The following OSBPL10 variants were observed in gnomAD, a reference collection of about 807,000 sequenced individuals.
The protein encoded by OSBPL10 is oxysterol-binding protein-related protein 10.
In OSBPL10, 49 loss-of-function variants were observed where a neutral mutation model predicts 81.7. The ratio of observed to expected loss-of-function variants is 0.60; its 90% CI spans 0.48 to 0.76. The LOEUF (loss-of-function observed/expected upper bound fraction) is 0.76. Among genes scored for constraint, OSBPL10 ranks in the 30% least tolerant of loss-of-function variants. OSBPL10 has a pLI of 0.00. For synonymous variants in OSBPL10, 419 were observed against 383.6 expected (o/e 1.09, Z -1.08); for missense variants, 923 against 987.8 (o/e 0.93, Z 0.88).
chr3:31,929,496 C>T (rs549856514), intron 1 of OSBPL10, among the ~76,000 whole-genome samples: 1 of 152,146 alleles, frequency 6.6e-6, no homozygotes, highest in South Asian at 2.1e-4. Flanking sequence ...GCCTGTAATA[C>T]CAGCACTTTG....
intron 3 of OSBPL10, among the ~76,000 whole-genome samples, chr3:31,863,571 T>C (rs1432797732): frequency 6.6e-6 from 1 of 152,166 alleles, no homozygotes; most frequent in Admixed American, 6.6e-5. Flanking sequence ...CCTTACAGGG[T>C]TGTTGTGAGA....
At chr3:31,869,391 G>A (rs986252564) in intron 3 of OSBPL10, among the ~76,000 whole-genome samples, 4 of 152,088 alleles carry the variant, frequency 2.6e-5, no homozygotes, top group Non-Finnish European at 5.9e-5. Flanking sequence ...CAAAGTTTAC[G>A]GGAACCCCCC....
intron 2 of OSBPL10, among the ~76,000 whole-genome samples, chr3:31,878,798 A>G (rs1701545084): frequency 6.9e-6 from 1 of 145,272 alleles, no homozygotes; most frequent in African/African-American, 2.6e-5. Flanking sequence ...GATAAATAAT[A>G]TAGACTCTGC....
chr3:32,049,026 CTATATG>C (rs10576444), intron 1 of OSBPL10, among the ~76,000 whole-genome samples: 6,358 of 152,186 alleles, frequency 0.042, 383 homozygotes, highest in African/African-American at 0.13. Context: ...GGAAGTTACC[CTATATG>C]GTCTAAAGAG....
At chr3:31,791,053 C>G (rs1244355603) in intron 4 of OSBPL10, among the ~76,000 whole-genome samples, 3 of 151,884 alleles carry the variant, frequency 2.0e-5, no homozygotes, top group African/African-American at 7.3e-5. Flanking sequence ...AGGTTTGATT[C>G]TGGTCCACTT....
intron 2 of OSBPL10, among the ~76,000 whole-genome samples, chr3:32,003,449 C>T (rs1699170979): frequency 6.6e-6 from 1 of 152,212 alleles, no homozygotes; most frequent in Admixed American, 6.5e-5. Context: ...TGAACCATCC[C>T]ATCCTGTTTC....
chr3:31,723,938 A>G (rs550494661), intron 6 of OSBPL10, among the ~76,000 whole-genome samples: 17 of 152,326 alleles, frequency 1.1e-4, no homozygotes, highest in Non-Finnish European at 1.9e-4. Flanking sequence ...AAGCTCATTT[A>G]TACTGGTATA....
intron 1 of OSBPL10, among the ~76,000 whole-genome samples, chr3:31,913,160 C>A (rs35091091): frequency 0.18 from 27,727 of 151,854 alleles, 2,800 homozygotes; most frequent in East Asian, 0.31. Flanking sequence ...ACTATAATAC[C>A]ACCCCTGGAG....
chr3:31,825,112 G>T (rs556300918), intron 4 of OSBPL10, among the ~76,000 whole-genome samples: 1 of 152,232 alleles, frequency 6.6e-6, no homozygotes, highest in Admixed American at 6.5e-5. Context: ...TTATCCTATG[G>T]ACAGTGGGGA....
chr3:31,735,035 TA>T (rs1260175972), intron 5 of OSBPL10, among the ~76,000 whole-genome samples: 1 of 152,260 alleles, frequency 6.6e-6, no homozygotes, highest in African/African-American at 2.4e-5. Context: ...GTGCGGTGCT[TA>T]TGCACCTGTG....
intron 7 of OSBPL10, among the ~76,000 whole-genome samples, chr3:31,700,691 T>G (rs1227584280): frequency 6.6e-6 from 1 of 152,246 alleles, no homozygotes; most frequent in Non-Finnish European, 1.5e-5. Context: ...GATTTTAGAT[T>G]GTACTTGTAC....
Position 31,748,032 on chromosome 3 carries a change from T to C in OSBPL10, c.818A>G (p.Gln273Arg). 1.2e-6 allele frequency: 2 copies of C among 1,614,184 alleles called. No individual in the cohort carries two copies. Among genetic ancestry groups the C allele is most frequent in the Non-Finnish European group, 1.7e-6 (2 of 1,180,036 alleles). ...GGTAGCTTTCAGGAGCAGCAGGTCC[T>C]GGTCCAAGGCAGTGAGGGGGCCGGA... is the stretch of plus-strand genomic sequence containing the variant. Reference protein sequence around the residue: ...PGSGPLTALDQDLLLLKATSA... With the variant: ...PGSGPLTALDRDLLLLKATSA... Residue 273 changes from glutamine (Q) to arginine (R), a missense_variant, in exon 5 of 12, where the codon CAG becomes CGG. By Grantham distance (43) the Gln-to-Arg change is conservative. This residue lies in a region of OSBPL10 where 514 missense variants were observed against 508.0 expected (regional missense o/e 1.01). Coordinates refer to ENST00000396556, the MANE Select transcript of OSBPL10 (RefSeq NM_017784.5).
chr3:31,965,850 AAAG>A (rs1559535433), intron 1 of OSBPL10, among the ~76,000 whole-genome samples: 5,152 of 65,626 alleles, frequency 0.079, 535 homozygotes, highest in East Asian at 0.4. Flanking sequence ...TATTATATAA[AAAG>A]ATAATATATA....
intron 3 of OSBPL10, among the ~76,000 whole-genome samples, chr3:31,846,460 C>T (rs1205567432): frequency 6.6e-6 from 1 of 151,952 alleles, no homozygotes; most frequent in Admixed American, 6.6e-5. Flanking sequence ...CCCGTCTCTA[C>T]TAAAAATACA....
intron 1 of OSBPL10, among the ~76,000 whole-genome samples, chr3:31,891,090 C>T (rs1329844218): frequency 2.6e-5 from 4 of 152,176 alleles, no homozygotes; most frequent in Non-Finnish European, 5.9e-5. Flanking sequence ...TTTCCCTAAA[C>T]ATCAACTAAG....
intron 1 of OSBPL10, chr3:32,066,654 G>GA (rs1559557583): frequency 6.6e-6 from 1 of 152,220 alleles, no homozygotes; most frequent in African/African-American, 2.4e-5. Context: ...CCTCCTCAGT[G>GA]AAAATCATCA....
At chr3:31,920,975 T>C (rs570851207) in intron 1 of OSBPL10, among the ~76,000 whole-genome samples, 1 of 152,174 alleles carries the variant, frequency 6.6e-6, no homozygotes, top group Non-Finnish European at 1.5e-5. Context: ...TAAAACTCTA[T>C]TATTTAAAAT....
intron 5 of OSBPL10, among the ~76,000 whole-genome samples, chr3:31,742,955 G>T (rs1034698410): frequency 6.6e-6 from 1 of 151,278 alleles, no homozygotes. Flanking sequence ...CCATCAAGCT[G>T]CTGAAGTAGA....
chr3:31,747,426 G>A (rs1466357856), intron 5 of OSBPL10, among the ~76,000 whole-genome samples: 4 of 141,390 alleles, frequency 2.8e-5, no homozygotes, highest in South Asian at 2.3e-4. Flanking sequence ...CATTTGAAAG[G>A]TTCCGTGTCC....
Sources: allele counts gnomAD v4.1 joint callset (sites outside exome capture counted in the v4.1 genomes callset), GRCh38; gene constraint gnomAD v4.1.1; regional missense constraint gnomAD v4.1.1; transcripts MANE v1.5; gene names NCBI Gene and HGNC (gene_info 2026-07-23, HGNC 2026-07-21).